Variants in FGF13 observed in about 807,000 individuals in gnomAD.
FGF13 encodes the protein fibroblast growth factor 13.
A neutral mutation model predicts 19.5 loss-of-function variants in FGF13; 2 were observed. That is an observed-to-expected ratio of 0.10 (90% CI 0.04 to 0.32). The LOEUF is 0.32. Ranked by LOEUF, FGF13 falls within the 10% of genes least tolerant of loss-of-function variation. The probability of loss-of-function intolerance (pLI) is 1.00; values close to 1 mark genes in which losing one functional copy is unlikely to be tolerated. For missense variants in FGF13, 113 were observed against 192.7 expected, an observed-to-expected ratio of 0.59 and a Z score of 2.45; for synonymous variants, 72 against 76.9, an observed-to-expected ratio of 0.94 and a Z score of 0.33.
At chrX:138,977,261 GT>G (rs1484763250) in intron 1 of FGF13, among the ~76,000 whole-genome samples, 1 of 111,778 alleles carries the variant, frequency 8.9e-6, no homozygotes, top group Non-Finnish European at 1.9e-5. Context: ...TATATTAAGT[GT>G]TTCTCTTTCC....
At chrX:138,796,353 G>A (rs991480055) in intron 3 of FGF13, among the ~76,000 whole-genome samples, 10 of 111,677 alleles carry the variant, frequency 9.0e-5, no homozygotes, top group Admixed American at 2.9e-4. Context: ...AGTTTGCTGA[G>A]AATGATGGTT....
chrX:138,941,761 T>C (rs933345337), intron 1 of FGF13, among the ~76,000 whole-genome samples: 2 of 112,044 alleles, frequency 1.8e-5, no homozygotes, highest in African/African-American at 6.5e-5. Context: ...TTAGGTTGTA[T>C]GTATGGCATC....
Position 138,773,750 on chromosome X carries a change from T to C in FGF13, c.218-64822A>G, listed in dbSNP as rs901674096. 2.7e-5 allele frequency among the ~76,000 whole-genome samples: 3 copies of C among 111,937 alleles called. No individual in the cohort carries two copies. In the South Asian group the frequency reaches 1.1e-3, roughly 43 times the overall value. ...AATAATTTTCAAGGAGGGGTGATTT[T>C]ACAACTTGGGGACAAAGAGCATTCA... On this transcript the variant is annotated intron_variant, in intron 3 of 6. Coordinates refer to the FGF13 transcript ENST00000436198.
intron 3 of FGF13, among the ~76,000 whole-genome samples, chrX:138,845,959 G>A (rs758919650): frequency 1.8e-5 from 2 of 110,886 alleles, no homozygotes; most frequent in Non-Finnish European, 3.8e-5. Context: ...AAAAGAACCC[G>A]ATTTTGTTCA....
At chrX:138,743,256 T>G (rs1325686583), upstream of FGF13, among the ~76,000 whole-genome samples, 2 of 111,348 alleles carry the variant, frequency 1.8e-5, no homozygotes, top group Non-Finnish European at 3.8e-5. Flanking sequence ...GAACTTTAAG[T>G]GCATATTACT....
intron 3 of FGF13, among the ~76,000 whole-genome samples, chrX:138,774,032 G>C (rs1204574361): frequency 1.8e-5 from 2 of 111,329 alleles, no homozygotes; most frequent in African/African-American, 6.5e-5. Flanking sequence ...ACTGTCCTCT[G>C]TCCTTTCATT....
intron 1 of FGF13, among the ~76,000 whole-genome samples, chrX:139,150,723 C>G (rs1045964385): frequency 8.9e-6 from 1 of 111,783 alleles, no homozygotes; most frequent in Admixed American, 9.5e-5. Context: ...AATGCCTGCA[C>G]AGAGCTGATA....
intron 3 of FGF13, among the ~76,000 whole-genome samples, chrX:138,790,097 A>G (rs1311293264): frequency 2.0e-5 from 2 of 99,385 alleles, no homozygotes; most frequent in African/African-American, 3.7e-5. Flanking sequence ...TGCTGGCACC[A>G]TGATCTTAGA....
intron 1 of FGF13, among the ~76,000 whole-genome samples, chrX:138,940,650 G>A (rs1347777273): frequency 2.7e-5 from 3 of 111,574 alleles, no homozygotes; most frequent in Non-Finnish European, 5.6e-5. Flanking sequence ...TCTCCCTGTG[G>A]CTAGCCAGTT....
intron 3 of FGF13, among the ~76,000 whole-genome samples, chrX:138,675,496 C>A (rs1433572754): frequency 9.0e-6 from 1 of 111,018 alleles, no homozygotes; most frequent in African/African-American, 3.3e-5. Flanking sequence ...ATATTACATG[C>A]AATAATAATT....
At chrX:138,680,027 C>T (rs1458566098) in intron 3 of FGF13, among the ~76,000 whole-genome samples, 1 of 112,389 alleles carries the variant, frequency 8.9e-6, no homozygotes, top group Non-Finnish European at 1.9e-5. Flanking sequence ...GCATCGTCAC[C>T]ATTCAAGAAT....
At chrX:138,782,969 T>G (rs1428806086) in intron 3 of FGF13, among the ~76,000 whole-genome samples, 1 of 61,682 alleles carries the variant, frequency 1.6e-5, no homozygotes, top group Non-Finnish European at 2.8e-5. Context: ...AACAGAGATA[T>G]AGATCAATGG....
At chrX:138,941,773 C>G (rs2091759415) in intron 1 of FGF13, among the ~76,000 whole-genome samples, 1 of 111,917 alleles carries the variant, frequency 8.9e-6, no homozygotes, top group East Asian at 2.8e-4. Flanking sequence ...TATGGCATCT[C>G]ATTCCTCTGA....
At chrX:138,856,103 T>C (rs1467860088), downstream of FGF13, among the ~76,000 whole-genome samples, 1 of 111,206 alleles carries the variant, frequency 9.0e-6, no homozygotes, top group Non-Finnish European at 1.9e-5. Flanking sequence ...AAAATAAAGT[T>C]AGTTATCTTC....
At chrX:139,058,318 T>C (rs2092325993) in intron 1 of FGF13, among the ~76,000 whole-genome samples, 1 of 111,960 alleles carries the variant, frequency 8.9e-6, no homozygotes, top group Admixed American at 9.5e-5. Context: ...ATTTTAAATA[T>C]AAAAGACAAT....
Position 139,057,499 on chromosome X carries a change from T to C in FGF13, c.-113+145917A>G, listed in dbSNP as rs774685174. ...CCCAGAAATTCCACTACCAGGTATA[T>C]ACCCAAAAGAAATGGAATGTATACC... On this transcript the variant is annotated intron_variant, in intron 1 of 2. Transcript: ENST00000421460. 3.6e-5 allele frequency among the ~76,000 whole-genome samples: 4 copies of C among 111,745 alleles called. No homozygotes were observed. In the East Asian group the frequency reaches 1.1e-3, roughly 32 times the overall value.
intron 3 of FGF13, among the ~76,000 whole-genome samples, chrX:138,763,715 T>G (rs1488409961): frequency 8.9e-6 from 1 of 111,754 alleles, no homozygotes; most frequent in Non-Finnish European, 1.9e-5. Context: ...CGCCTTTAAG[T>G]CACCAGCTGT....
intron 1 of FGF13, among the ~76,000 whole-genome samples, chrX:138,997,763 G>A (rs2092050311): frequency 8.9e-6 from 1 of 112,177 alleles, no homozygotes; most frequent in Non-Finnish European, 1.9e-5. Flanking sequence ...CACTCTTCAG[G>A]ATATTATCCA....
chrX:138,937,083 GT>G (rs900473178), intron 1 of FGF13, among the ~76,000 whole-genome samples: 1 of 110,635 alleles, frequency 9.0e-6, no homozygotes, highest in African/African-American at 3.3e-5. Flanking sequence ...TTGAGAAGAA[GT>G]TTCCTCTTTT....
Sources: gnomAD v4.1 joint callset for allele counts (sites outside exome capture counted in the v4.1 genomes callset) on GRCh38, gnomAD v4.1.1 for gene constraint, MANE v1.5 for transcripts, NCBI Gene and HGNC (gene_info 2026-07-23, HGNC 2026-07-21) for gene names.